ABHD2: variants seen among roughly 807,000 people sequenced by gnomAD.
ABHD2 encodes monoacylglycerol lipase ABHD2.
A neutral mutation model predicts 48.1 loss-of-function variants in ABHD2; 20 were observed. That is an observed-to-expected ratio of 0.42 (90% confidence interval 0.29 to 0.60). ABHD2 has a LOEUF of 0.60. Ranked by LOEUF, ABHD2 falls within the 20% of genes least tolerant of loss-of-function variation. The pLI is 0.24. For synonymous variants in ABHD2, 209 were observed against 214.2 expected, an observed-to-expected ratio of 0.98 and a Z score of 0.21; for missense variants, 405 against 550.9, an observed-to-expected ratio of 0.74 and a Z score of 2.65.
At position 89,176,321 on chromosome 15, in the gene ABHD2, G is replaced by A. The variant is rs890224316; in HGVS notation, c.722+326G>A. On this transcript the variant is annotated intron_variant, in intron 6 of 10. Transcript: ENST00000352732. This position sits in a 1 kb window ranked among gnomAD's most constrained non-coding sequence, Gnocchi z 4.5. ...AGGCTTCAGGAGTTTTTATAGAAAC[G>A]TGGATTAATGAAAGAGCACAGGAGA... Among the ~76,000 whole-genome samples the A allele has an allele frequency of 2.0e-5, 3 of 152,258 alleles. No homozygotes were observed. The highest frequency in any genetic ancestry group is 1.9e-4 in the East Asian group (1 of 5,186).
intron 3 of ABHD2, among the ~76,000 whole-genome samples, chr15:89,119,213 C>T (rs2050009056): frequency 6.6e-6 from 1 of 152,204 alleles, no homozygotes; most frequent in South Asian, 2.1e-4. Context: ...CAAAGCCTCT[C>T]CCTTTGATGA....
intron 6 of ABHD2, among the ~76,000 whole-genome samples, chr15:89,181,233 A>AAAAAAAAC (rs2051107460): frequency 3.3e-5 from 5 of 151,032 alleles, no homozygotes; most frequent in African/African-American, 1.2e-4. Flanking sequence ...TGTCTCAAAA[A>AAAAAAAAC]AAAAAAAAAA....
At position 89,173,169 on chromosome 15, in the gene ABHD2, C is replaced by T. The variant is rs2050956955; in HGVS notation, c.539-2643C>T. On this transcript the variant is annotated intron_variant, in intron 5 of 10. Transcript: ENST00000352732. This position sits in a 1 kb window ranked among gnomAD's most constrained non-coding sequence, Gnocchi z 6.5. ...TAGAAGCTGATATCAGCTAATTGCTCATTGTGCTCTCAGCTGTTTGTTTGC... is the reference window on the plus strand; with the variant it reads ...TAGAAGCTGATATCAGCTAATTGCTTATTGTGCTCTCAGCTGTTTGTTTGC... 6.6e-6 allele frequency among the ~76,000 whole-genome samples: 1 copy of T among 152,224 alleles called. No homozygotes were observed. The highest frequency in any genetic ancestry group is 2.1e-4 in the South Asian group (1 of 4,830).
chr15:89,064,031 G>A, the ABHD2 span, among the ~76,000 whole-genome samples: 1 of 151,656 alleles, frequency 6.6e-6, no homozygotes, highest in African/African-American at 2.4e-5. Flanking sequence ...CCAAGCCCCT[G>A]ACAACCACCA....
chr15:89,089,509 C>T (rs1407071582), intron 1 of ABHD2, among the ~76,000 whole-genome samples: 1 of 152,218 alleles, frequency 6.6e-6, no homozygotes, highest in East Asian at 1.9e-4. Flanking sequence ...ATGGACCGCT[C>T]TCTTAATCTT....
At position 89,182,751 on chromosome 15, in the gene ABHD2, C is replaced by T. The variant is rs1253801071; in HGVS notation, c.723-2673C>T. Among the ~76,000 whole-genome samples, 1 of 152,168 alleles carries T rather than the reference C, an allele frequency of 6.6e-6. No individual in the cohort carries two copies. The highest frequency in any genetic ancestry group is 1.5e-5 in the Non-Finnish European group (1 of 68,030). ...GAGGTTGCAGTGAGCTGAGATCACA[C>T]CACTGCACTCCAGCCTGAGCAACAG... On this transcript the variant is annotated intron_variant, in intron 6 of 10. Transcript: ENST00000352732. The surrounding 1 kb of genome is among the most constrained non-coding windows in gnomAD (Gnocchi z 4.8).
chr15:89,124,767 C>A (rs1596086745), intron 3 of ABHD2, among the ~76,000 whole-genome samples: 1 of 152,068 alleles, frequency 6.6e-6, no homozygotes, highest in African/African-American at 2.4e-5. Flanking sequence ...TCCTGGCTAA[C>A]ATGGTGAAAC....
intron 1 of ABHD2, among the ~76,000 whole-genome samples, chr15:89,112,749 C>G (rs1001675902): frequency 6.6e-5 from 10 of 152,190 alleles, no homozygotes; most frequent in African/African-American, 2.4e-4. Context: ...TCTTGCTTGC[C>G]TCTCTTTCTT....
chr15:89,074,795 A>G, the ABHD2 span, among the ~76,000 whole-genome samples: 1 of 152,170 alleles, frequency 6.6e-6, no homozygotes, highest in Non-Finnish European at 1.5e-5. Flanking sequence ...CAGCGTCTCA[A>G]GTCTACTTCC....
intron 1 of ABHD2, among the ~76,000 whole-genome samples, chr15:89,098,004 C>T (rs1387201268): frequency 2.6e-5 from 4 of 152,118 alleles, no homozygotes; most frequent in African/African-American, 9.7e-5. Flanking sequence ...GATCCTTCCA[C>T]CTCAGCCTTC....
At chr15:89,156,087 C>T (rs1430206787) in intron 5 of ABHD2, among the ~76,000 whole-genome samples, 1 of 147,578 alleles carries the variant, frequency 6.8e-6, no homozygotes, top group Non-Finnish European at 1.5e-5. Flanking sequence ...TGCCTGTAAT[C>T]CCTTCTCTAG....
rs926944838 is a variant in ABHD2, at chr15:89,151,271, C to T, written c.195-406C>T. Among the ~76,000 whole-genome samples the T allele has an allele frequency of 4.6e-5, 7 of 152,174 alleles. No individual in the cohort carries two copies. The highest frequency in any genetic ancestry group is 1.0e-4 in the Non-Finnish European group (7 of 68,018). ...TCTCGTTAGGGAAAGAAGAAGTGAG[C>T]TTTTAGTGAGTGTAGGCGCTATGCT... On this transcript the variant is annotated intron_variant, in intron 3 of 10. Coordinates refer to ENST00000352732, the MANE Select transcript of ABHD2 (RefSeq NM_152924.5). This position sits in a 1 kb window ranked among gnomAD's most constrained non-coding sequence, Gnocchi z 4.7.
At chr15:89,089,686 C>T (rs1596052223) in intron 1 of ABHD2, among the ~76,000 whole-genome samples, 2 of 152,236 alleles carry the variant, frequency 1.3e-5, no homozygotes, top group South Asian at 2.1e-4. Flanking sequence ...TTTCGAAGGC[C>T]GTTTCCTTAC....
intron 3 of ABHD2, among the ~76,000 whole-genome samples, chr15:89,129,032 T>C (rs1435158544): frequency 6.6e-6 from 1 of 152,140 alleles, no homozygotes; most frequent in Admixed American, 6.6e-5. Flanking sequence ...AATAGAATCA[T>C]TGACAGAAAT....
rs2051470800 is a variant in ABHD2 at position 89,201,991 on chromosome 15, A to T, written c.*6568A>T. The T allele has an allele frequency of 2.1e-6, 1 of 465,952 alleles. No individual in the cohort carries two copies. 28.9% of individuals were successfully genotyped at this position (465,952 alleles called of 1,614,324 possible). On this transcript the variant is annotated 3_prime_UTR_variant, in exon 11 of 11. Transcript: ENST00000352732. ...CATCACTTTCACATTCCTGATTCTG[A>T]TTTTGTTTTGTTTTGTTTGGGTTTT...
At chr15:89,050,516 C>T in the ABHD2 span, among the ~76,000 whole-genome samples, 1 of 152,218 alleles carries the variant, frequency 6.6e-6, no homozygotes, top group Non-Finnish European at 1.5e-5. Flanking sequence ...CAAAGTTAAA[C>T]TTCATGTGCA....
In ABHD2 at chr15:89,106,312, C is replaced by G. The variant is rs1365547063; in HGVS notation, c.-106-7413C>G. 1 of 152,852 alleles carries G rather than the reference C, an allele frequency of 6.5e-6. No individual in the cohort carries two copies. The highest frequency in any genetic ancestry group is 2.4e-5 in the African/African-American group (1 of 41,474). The allele number at this position is 152,852 out of a possible 1,614,324, so 9.5% of individuals were successfully genotyped here. ...AAACTCCATCTCAAAAACAAACAAA[C>G]CCAGAGTATTTGAGCACCGTGATGA... is the stretch of plus-strand genomic sequence containing the variant. On this transcript the variant is annotated intron_variant, in intron 1 of 10. Coordinates refer to ENST00000352732, the MANE Select transcript of ABHD2 (RefSeq NM_152924.5). This position sits in a 1 kb window ranked among gnomAD's most constrained non-coding sequence, Gnocchi z 4.2.
chr15:89,086,037 GT>G (rs1044840567), upstream of ABHD2, among the ~76,000 whole-genome samples: 84 of 147,830 alleles, frequency 5.7e-4, no homozygotes, highest in Non-Finnish European at 8.3e-4. Flanking sequence ...AATCTTTTTT[GT>G]TTTTTTTTTT....
intron 3 of ABHD2, among the ~76,000 whole-genome samples, chr15:89,127,611 A>G (rs2050148909): frequency 6.6e-6 from 1 of 151,340 alleles, no homozygotes; most frequent in African/African-American, 2.4e-5. Flanking sequence ...AATGCTTTTT[A>G]AAATGTTGAC....
Sources: allele counts gnomAD v4.1 joint callset (sites outside exome capture counted in the v4.1 genomes callset), GRCh38; gene constraint gnomAD v4.1.1; non-coding constraint Gnocchi (gnomAD v3.1); transcripts MANE v1.5; gene names NCBI Gene and HGNC (gene_info 2026-07-23, HGNC 2026-07-21).